The following VKORC1L1 variants were observed in gnomAD, a reference collection of about 807,000 sequenced individuals.
The protein encoded by VKORC1L1 is vitamin K epoxide reductase complex subunit 1L1, also known as vitamin K epoxide reductase complex subunit 1-like protein 1.
A neutral mutation model predicts 18.9 loss-of-function variants in VKORC1L1; 2 were observed. That is an observed-to-expected ratio of 0.11 (90% CI 0.04 to 0.33). VKORC1L1 has a LOEUF of 0.33. VKORC1L1 is among the 10% of genes least tolerant of loss of function. VKORC1L1 has a pLI of 1.00. For synonymous variants in VKORC1L1, 96 were observed against 100.0 expected, an observed-to-expected ratio of 0.96 and a Z score of 0.24; for missense variants, 123 against 224.1, an observed-to-expected ratio of 0.55 and a Z score of 2.88.
At position 65,926,345 on chromosome 7, in the gene VKORC1L1, G is replaced by A. The variant is rs573182288; in HGVS notation, c.195-22326G>A. Among the ~76,000 whole-genome samples the A allele has an allele frequency of 4.3e-4, 66 of 152,048 alleles. No individual in the cohort carries two copies. The South Asian group carries it at 0.013, about 31-fold the overall frequency. On this transcript the variant is annotated intron_variant, in intron 1 of 2. Transcript: ENST00000360768. ...TAATTTTTGTAGTTTTAGTAGAGACGGGGTTTCACCATATTGGCCAGGCTG... is the reference window on the plus strand; with the variant it reads ...TAATTTTTGTAGTTTTAGTAGAGACAGGGTTTCACCATATTGGCCAGGCTG...
chr7:65,891,864 T>C (rs1789115677), intron 1 of VKORC1L1, among the ~76,000 whole-genome samples: 1 of 152,228 alleles, frequency 6.6e-6, no homozygotes, highest in African/African-American at 2.4e-5. Flanking sequence ...CATTGTTAAC[T>C]GTAGTTGCCC....
chr7:65,901,993 G>T (rs1460831975), intron 1 of VKORC1L1, among the ~76,000 whole-genome samples: 1 of 152,158 alleles, frequency 6.6e-6, no homozygotes, highest in African/African-American at 2.4e-5. Flanking sequence ...CTCTAACAAT[G>T]AAAAAGCAAG....
At chr7:65,882,638 T>C (rs1392900162) in intron 1 of VKORC1L1, among the ~76,000 whole-genome samples, 2 of 152,194 alleles carry the variant, frequency 1.3e-5, no homozygotes, top group East Asian at 3.8e-4. Flanking sequence ...AAAAATGTTA[T>C]TGATTAGTAA....
At chr7:65,940,423 A>T (rs965212775) in intron 1 of VKORC1L1, among the ~76,000 whole-genome samples, 1 of 152,214 alleles carries the variant, frequency 6.6e-6, no homozygotes, top group Non-Finnish European at 1.5e-5. Flanking sequence ...TTTGACCTCC[A>T]GTGTGTATTT....
chr7:65,866,422 G>A, the VKORC1L1 span, among the ~76,000 whole-genome samples: 4 of 152,172 alleles, frequency 2.6e-5, no homozygotes, highest in Non-Finnish European at 4.4e-5. Context: ...ATCCAGGCAC[G>A]GCTGGCATTT....
At chr7:65,915,082 C>CTTTTTTTTTCTTTTTTTTTTTT (rs1562993919) in intron 1 of VKORC1L1, among the ~76,000 whole-genome samples, 1 of 141,048 alleles carries the variant, frequency 7.1e-6, no homozygotes. Flanking sequence ...TATTTTTTTT[C>CTTTTTTTTTCTTTTTTTTTTTT]TTTTTTTTTT....
At chr7:65,875,051 G>T (rs1191671441) in intron 1 of VKORC1L1, among the ~76,000 whole-genome samples, 1 of 152,186 alleles carries the variant, frequency 6.6e-6, no homozygotes, top group African/African-American at 2.4e-5. Context: ...GTTTCATTGT[G>T]TAGCTGTGGA....
intron 1 of VKORC1L1, among the ~76,000 whole-genome samples, chr7:65,910,152 TCTTA>T (rs1283677939): frequency 1.3e-5 from 2 of 152,214 alleles, no homozygotes; most frequent in Non-Finnish European, 2.9e-5. Context: ...CAAACTTGTT[TCTTA>T]CCTTGCAGAA....
chr7:65,914,676 AT>A (rs1457456240), intron 1 of VKORC1L1, among the ~76,000 whole-genome samples: 2 of 152,024 alleles, frequency 1.3e-5, no homozygotes, highest in Admixed American at 6.5e-5. Flanking sequence ...TATTATTTTC[AT>A]TCTTAGAATT....
chr7:65,919,057 C>T (rs1412413544), intron 1 of VKORC1L1, among the ~76,000 whole-genome samples: 2 of 152,120 alleles, frequency 1.3e-5, no homozygotes, highest in Non-Finnish European at 2.9e-5. Flanking sequence ...CACTGCACTC[C>T]AGCTTGGGTG....
rs563329022 is a variant in VKORC1L1, at chr7:65,890,608, G to C, written c.194+17043G>C. On this transcript the variant is annotated intron_variant, in intron 1 of 2. Transcript: ENST00000360768. ...GATTGATATTTGTCTCCAGTTTGCA[G>C]CAATTATGAATACTGCAGCTATAAA... 5.3e-5 allele frequency among the ~76,000 whole-genome samples: 8 copies of C among 152,292 alleles called. No homozygotes were observed. In the South Asian group the frequency reaches 1.7e-3, roughly 32 times the overall value.
chr7:65,911,484 G>A (rs992548510), intron 1 of VKORC1L1, among the ~76,000 whole-genome samples: 1 of 152,170 alleles, frequency 6.6e-6, no homozygotes, highest in African/African-American at 2.4e-5. Flanking sequence ...CCCCATGTGA[G>A]CTTGACAGCA....
chr7:65,944,630 T>C (rs189914849), intron 1 of VKORC1L1, among the ~76,000 whole-genome samples: 2 of 151,834 alleles, frequency 1.3e-5, no homozygotes, highest in East Asian at 3.9e-4. Flanking sequence ...GAAAAAGCAA[T>C]ATTTGGCTGG....
intron 1 of VKORC1L1, among the ~76,000 whole-genome samples, chr7:65,879,255 C>T (rs1452640566): frequency 1.3e-5 from 2 of 152,048 alleles, no homozygotes; most frequent in African/African-American, 2.4e-5. Flanking sequence ...AGAATTTGTT[C>T]TAGTAGTTTT....
chr7:65,889,243 C>T (rs1583826992), intron 1 of VKORC1L1, among the ~76,000 whole-genome samples: 2 of 152,204 alleles, frequency 1.3e-5, no homozygotes, highest in East Asian at 1.9e-4. Context: ...ACATTTTTAT[C>T]TCTACCCCAA....
chr7:65,932,305 C>T (rs1344453164), intron 1 of VKORC1L1, among the ~76,000 whole-genome samples: 1 of 152,152 alleles, frequency 6.6e-6, no homozygotes, highest in Non-Finnish European at 1.5e-5. Flanking sequence ...ACCATGTTGG[C>T]CAGGCTGGTC....
rs553715920 is a variant in VKORC1L1 at position 65,954,364 on chromosome 7, T to C, written c.*64T>C. 38 of 1,526,498 alleles carry C rather than the reference T, an allele frequency of 2.5e-5. No individual in the cohort carries two copies. The highest frequency in any genetic ancestry group is 8.5e-5 in the African/African-American group (6 of 70,542). 94.6% of individuals were successfully genotyped at this position (1,526,498 alleles called of 1,614,324 possible). A position where few individuals can be genotyped will look rare whatever the true frequency, so the allele number is the denominator to read the frequency against. On this transcript the variant is annotated 3_prime_UTR_variant, in exon 3 of 3. Transcript: ENST00000360768. ...TCCATTCAGTTTATTTTGCAGCAGG[T>C]TTTTATTATTATTATTATTATTATT...
At chr7:65,940,184 C>T (rs1203078849) in intron 1 of VKORC1L1, among the ~76,000 whole-genome samples, 1 of 151,946 alleles carries the variant, frequency 6.6e-6, no homozygotes, top group African/African-American at 2.4e-5. Flanking sequence ...GCCACCACAC[C>T]TAGCTAATTT....
intron 1 of VKORC1L1, among the ~76,000 whole-genome samples, chr7:65,898,713 A>G (rs181386927): frequency 3.3e-5 from 5 of 152,304 alleles, no homozygotes; most frequent in Admixed American, 3.3e-4. Context: ...ACATGTAGCA[A>G]AACTTACTAT....
Sources: gnomAD v4.1 joint callset for allele counts (sites outside exome capture counted in the v4.1 genomes callset) on GRCh38, gnomAD v4.1.1 for gene constraint, MANE v1.5 for transcripts, NCBI Gene and HGNC (gene_info 2026-07-23, HGNC 2026-07-21) for gene names.